PTCD3: variants seen among roughly 807,000 people sequenced by gnomAD.
PTCD3 encodes the protein small ribosomal subunit protein mS39.
A neutral mutation model predicts 101.9 loss-of-function variants in PTCD3; 89 were observed. That is an observed-to-expected ratio of 0.87 (90% CI 0.74 to 1.04). The LOEUF (loss-of-function observed/expected upper bound fraction) is 1.04, where lower values mean the gene tolerates loss of function less well. PTCD3 is among the 50% of genes least tolerant of loss of function. The pLI is 0.00. For missense variants in PTCD3, 870 were observed against 828.2 expected (o/e 1.05, Z -0.62); for synonymous variants, 296 against 278.5 (o/e 1.06, Z -0.63).
intron 3 of PTCD3, 51 bp downstream of exon 3, chr2:86,108,587 A>G: frequency 1.3e-6 from 2 of 1,520,830 alleles, no homozygotes; most frequent in Non-Finnish European, 1.8e-6. Flanking sequence ...GCTTACTATG[A>G]GAGAAGTGTA....
intron 6 of PTCD3, 25 bp from the exon 7 acceptor site, chr2:86,118,896 A>G (rs1413373969): frequency 6.9e-6 from 11 of 1,604,418 alleles, no homozygotes; most frequent in Non-Finnish European, 9.3e-6. Context: ...TGTTTGTAGT[A>G]ACTTTAGTCA....
chr2:86,132,726 A>G (rs1674515641), intron 17 of PTCD3: 1 of 316,232 alleles, frequency 3.2e-6, no homozygotes, highest in Non-Finnish European at 5.8e-6. Flanking sequence ...TGAGCCCTGA[A>G]GATTTCCTTT....
chr2:86,136,115 C>T (rs1194414831), intron 21 of PTCD3: 3 of 483,570 alleles, frequency 6.2e-6, no homozygotes, highest in Non-Finnish European at 1.2e-5. Flanking sequence ...AGGATGGATT[C>T]CCTCCTTAGA....
intron 21 of PTCD3, 53 bp from the exon 22 acceptor site, chr2:86,136,468 T>C: frequency 4.6e-6 from 7 of 1,516,840 alleles, no homozygotes; most frequent in African/African-American, 1.4e-5. Context: ...CTATAGTGTC[T>C]GATTGCCTTG....
intron 4 of PTCD3, among the ~76,000 whole-genome samples, chr2:86,115,148 C>A (rs1016646980): frequency 6.6e-6 from 1 of 152,212 alleles, no homozygotes; most frequent in African/African-American, 2.4e-5. Flanking sequence ...GAGAACCCTT[C>A]CAATATCCAG....
chr2:86,125,257 C>T lies in PTCD3; in HGVS notation c.804+175C>T, dbSNP rs572671283. Among the ~76,000 whole-genome samples, 25 of 152,254 alleles carry T rather than the reference C, an allele frequency of 1.6e-4. No individual in the cohort carries two copies. In the South Asian group the frequency reaches 4.1e-3, roughly 25 times the overall value. On this transcript the variant is annotated intron_variant, in intron 10 of 23. Coordinates refer to ENST00000254630, the MANE Select transcript of PTCD3 (RefSeq NM_017952.6). ...GGATGTGAGTAGTGTACTCCTCCCC[C>T]ACTTTCAGTTGTGACAAATAAAAAT...
chr2:86,109,090 G>T (rs754851354), intron 3 of PTCD3, among the ~76,000 whole-genome samples: 6 of 152,078 alleles, frequency 3.9e-5, no homozygotes, highest in Middle Eastern at 6.8e-3. Flanking sequence ...CAAAAAGCTA[G>T]GTCTTAAAAT....
chr2:86,137,476 CTAAG>C lies in PTCD3; in HGVS notation c.1991_1994del (p.Ser664IlefsTer2). On this transcript the variant is annotated frameshift_variant, in exon 24 of 24. Transcript: ENST00000254630. LOFTEE classifies it high-confidence loss of function. ...ATTTTCTTTTCTTAACAGGGAAGCC[CTAAG>C]TAATCTAACTGCATTGACCAGTGAC... 6.2e-7 allele frequency: 1 copy of C among 1,613,468 alleles called. No homozygotes were observed.
At chr2:86,129,816 C>T (rs1674463596) in intron 14 of PTCD3, among the ~76,000 whole-genome samples, 1 of 152,096 alleles carries the variant, frequency 6.6e-6, no homozygotes, top group South Asian at 2.1e-4. Context: ...AGCTTTACTA[C>T]CACAAACATA....
intron 21 of PTCD3, 129 bp downstream of exon 21, chr2:86,135,116 C>A: frequency 2.6e-6 from 3 of 1,165,494 alleles, no homozygotes; most frequent in South Asian, 1.8e-5. Flanking sequence ...TTGCAAATAC[C>A]AACTAAAAAG....
chr2:86,131,505 C>T (rs564468063), intron 16 of PTCD3, among the ~76,000 whole-genome samples: 58 of 152,274 alleles, frequency 3.8e-4, no homozygotes, highest in African/African-American at 1.3e-3. Flanking sequence ...CCTGAGCCAA[C>T]GCGCCTGGCC....
chr2:86,133,231 A>T lies in PTCD3; in HGVS notation c.1427A>T (p.Lys476Met). The T allele has an allele frequency of 6.2e-7, 1 of 1,614,148 alleles. No homozygotes were observed. The highest frequency in any genetic ancestry group is 8.5e-7 in the Non-Finnish European group (1 of 1,180,012). ...CLMEQIDVTL[K>M]WYEDLIPSAY... ...ATGGAACAAATTGATGTTACCTTGAAGTGGTATGAGGACCTGATACCTTCA... is the reference window on the plus strand; with the variant it reads ...ATGGAACAAATTGATGTTACCTTGATGTGGTATGAGGACCTGATACCTTCA... Residue 476 changes from lysine (K) to methionine (M), a missense_variant, in exon 18 of 24, where the codon AAG becomes ATG. Lys to Met is a moderately conservative substitution (Grantham distance 95, BLOSUM62 -1). Coordinates refer to ENST00000254630, the MANE Select transcript of PTCD3 (RefSeq NM_017952.6).
At position 86,127,328 on chromosome 2, in the gene PTCD3, T is replaced by C. The variant is rs774932740; in HGVS notation, c.1096+23T>C. The C allele has an allele frequency of 1.1e-5, 17 of 1,608,956 alleles. No individual in the cohort carries two copies. The South Asian group carries it at 1.4e-4, about 14-fold the overall frequency. On this transcript the variant is annotated intron_variant, in intron 13 of 23. Coordinates refer to ENST00000254630, the MANE Select transcript of PTCD3 (RefSeq NM_017952.6). ...TAGGTGAGGATGCGCCCTTGAGTTC[T>C]CTGAGGACAGAGACTGTGCCAGCCA...
chr2:86,127,913 A>AT (rs1573855951), intron 13 of PTCD3, 28 bp from the exon 14 acceptor site: 5 of 1,577,496 alleles, frequency 3.2e-6, no homozygotes, highest in African/African-American at 1.3e-5. Flanking sequence ...CTCATTGTTT[A>AT]TTTTTTCTGT....
chr2:86,116,518 T>G lies in PTCD3; in HGVS notation c.241-12T>G. 1.3e-6 allele frequency: 2 copies of G among 1,594,882 alleles called. No homozygotes were observed. Among genetic ancestry groups the G allele is most frequent in the South Asian group, 1.1e-5 (1 of 90,484 alleles). ...AAATAAATATAGAAATTGTATTATG[T>G]CTTTTCCACAGGATACCACAGCTGT... On this transcript the variant is annotated splice_polypyrimidine_tract_variant and intron_variant, in intron 4 of 23. Transcript: ENST00000254630.
chr2:86,131,420 A>G (rs1573857753), intron 16 of PTCD3, among the ~76,000 whole-genome samples: 1 of 152,042 alleles, frequency 6.6e-6, no homozygotes, highest in Admixed American at 6.6e-5. Flanking sequence ...TTTTTGTGGT[A>G]GAGATGTAGT....
At chr2:86,121,636 C>A in intron 8 of PTCD3, 42 bp downstream of exon 8, 1 of 1,275,056 alleles carries the variant, frequency 7.8e-7, no homozygotes, top group Non-Finnish European at 1.1e-6. Context: ...CCTTAAGCTT[C>A]TTTTTGAAGA....
rs1210636006 is a variant in PTCD3, at chr2:86,106,292, G to C, written c.45G>C (p.Arg15Ser). The C allele has an allele frequency of 5.6e-6, 9 of 1,613,430 alleles. No homozygotes were observed. The East Asian group carries it at 1.8e-4, about 32-fold the overall frequency. The change falls in exon 1 of 24, where the codon AGG becomes AGC. Residue 15 changes from arginine to serine, a missense_variant. By Grantham distance (110) the Arg-to-Ser change is moderately radical. Coordinates refer to ENST00000254630, the MANE Select transcript of PTCD3 (RefSeq NM_017952.6). ...TTCGCTGGCTGGGCCTCCGCAGCAG[G>C]CTTGGCCAGCCGCTGACGGGTCGGC... ...SAVRWLGLRSRLGQPLTGRRA... is the reference protein window; with the variant it reads ...SAVRWLGLRSSLGQPLTGRRA...
intron 19 of PTCD3, 144 bp downstream of exon 19, chr2:86,133,580 A>G: frequency 1.2e-6 from 1 of 842,888 alleles, no homozygotes; most frequent in South Asian, 1.8e-5. Flanking sequence ...CTTCAAGGTC[A>G]TGTGCTCATG....
Sources: allele counts gnomAD v4.1 joint callset (sites outside exome capture counted in the v4.1 genomes callset), GRCh38; gene constraint gnomAD v4.1.1; transcripts MANE v1.5; gene names NCBI Gene and HGNC (gene_info 2026-07-23, HGNC 2026-07-21).